The following ACYP2 variants were observed in gnomAD, a reference collection of about 807,000 sequenced individuals.
ACYP2 encodes acylphosphatase 2, also known as acylphosphatase-2.
ACYP2 carries 12 observed loss-of-function variants against 11.2 expected under a neutral mutation model. The ratio of observed to expected loss-of-function variants is 1.08; its 90% CI spans 0.69 to 1.74. ACYP2 has a LOEUF of 1.74. ACYP2 is among the 40% of genes most tolerant of loss of function. The pLI is 0.00. For missense variants in ACYP2, 134 were observed against 101.9 expected, an observed-to-expected ratio of 1.31 and a Z score of -1.35; for synonymous variants, 43 against 32.2, an observed-to-expected ratio of 1.33 and a Z score of -1.13.
intron 6 of ACYP2, among the ~76,000 whole-genome samples, chr2:54,301,547 G>C (rs550052172): frequency 6.6e-6 from 1 of 152,180 alleles, no homozygotes; most frequent in East Asian, 1.9e-4. Context: ...TATCTAGAAT[G>C]ACTTGCGTAA....
intron 4 of ACYP2, among the ~76,000 whole-genome samples, chr2:54,078,394 C>CAT (rs1199045681): frequency 5.8e-4 from 75 of 129,348 alleles, no homozygotes; most frequent in African/African-American, 1.6e-3. Context: ...ATATGCAAAT[C>CAT]ATATATATAT....
At chr2:54,262,259 G>C (rs1219053849) in intron 6 of ACYP2, among the ~76,000 whole-genome samples, 1 of 152,154 alleles carries the variant, frequency 6.6e-6, no homozygotes, top group African/African-American at 2.4e-5. Flanking sequence ...GCAAAATGAT[G>C]CAACTGCTGT....
At chr2:54,234,581 C>A (rs1686390543) in intron 6 of ACYP2, among the ~76,000 whole-genome samples, 1 of 152,230 alleles carries the variant, frequency 6.6e-6, no homozygotes, top group South Asian at 2.1e-4. Context: ...TTTAATTTTT[C>A]AGTCAGAATT....
At chr2:54,096,281 C>T (rs1437123127) in intron 4 of ACYP2, among the ~76,000 whole-genome samples, 11 of 139,212 alleles carry the variant, frequency 7.9e-5, no homozygotes, top group East Asian at 2.3e-4. Context: ...GATGGGTGGC[C>T]GGGCAGAGAC....
At chr2:54,174,973 TA>T (rs1351055801) in intron 6 of ACYP2, among the ~76,000 whole-genome samples, 2 of 152,226 alleles carry the variant, frequency 1.3e-5, no homozygotes, top group African/African-American at 2.4e-5. Context: ...TCATCAAGGA[TA>T]TTGGTCTAAA....
At chr2:54,273,203 G>A (rs1469255828) in intron 6 of ACYP2, among the ~76,000 whole-genome samples, 2 of 152,190 alleles carry the variant, frequency 1.3e-5, no homozygotes, top group African/African-American at 4.8e-5. Context: ...AAACTATGGT[G>A]CACATGCATT....
At chr2:53,975,387 T>G (rs113594436) in intron 2 of ACYP2, 4 of 397,336 alleles carry the variant, frequency 1.0e-5, no homozygotes, top group African/African-American at 6.2e-5. Context: ...TTGAAATGCT[T>G]CCCAGTGAGA....
At position 54,043,242 on chromosome 2, in the gene ACYP2, C is replaced by G. The variant is rs545423548; in HGVS notation, c.63-7716C>G. Among the ~76,000 whole-genome samples, 32 of 152,246 alleles carry G rather than the reference C, an allele frequency of 2.1e-4. No homozygotes were observed. The South Asian group carries it at 6.4e-3, about 31-fold the overall frequency. On this transcript the variant is annotated intron_variant, in intron 2 of 6. Transcript: ENST00000607452. Reference sequence around the variant, plus strand: ...AGTATAATATATCTTATTCTATTACCTGAATATCTTAACCAAGGGACAATC... The same window carrying G: ...AGTATAATATATCTTATTCTATTACGTGAATATCTTAACCAAGGGACAATC...
chr2:54,188,373 C>A (rs985242132), intron 6 of ACYP2, among the ~76,000 whole-genome samples: 1 of 152,000 alleles, frequency 6.6e-6, no homozygotes, highest in Admixed American at 6.6e-5. Flanking sequence ...TATCTCAGTT[C>A]GTATAACTTG....
chr2:54,080,414 T>C (rs1677582451), intron 4 of ACYP2: 1 of 152,238 alleles, frequency 6.6e-6, no homozygotes, highest in Non-Finnish European at 1.5e-5. Flanking sequence ...GCTTTTGTAT[T>C]AGCATTACAG....
chr2:54,188,616 T>TG (rs1558598449), intron 6 of ACYP2, among the ~76,000 whole-genome samples: 1 of 152,206 alleles, frequency 6.6e-6, no homozygotes, highest in Non-Finnish European at 1.5e-5. Context: ...ACTTTTCGTA[T>TG]TATAAGATGA....
rs111276563 is a variant in ACYP2, at chr2:54,100,771, T to C, written c.278-34682T>C. 4.5e-3 allele frequency among the ~76,000 whole-genome samples: 685 copies of C among 152,352 alleles called. 10 individuals carry two copies. The highest frequency in any genetic ancestry group is 0.016 in the African/African-American group (669 of 41,584). ...CGATTCACAGGGAACTATTTTCTAT[T>C]TTTTGAATAATGGTAGAGGAAAGTA... On this transcript the variant is annotated intron_variant, in intron 4 of 6. Transcript: ENST00000607452.
intron 6 of ACYP2, among the ~76,000 whole-genome samples, chr2:54,181,773 T>G (rs942584688): frequency 1.3e-5 from 2 of 152,182 alleles, no homozygotes; most frequent in Non-Finnish European, 2.9e-5. Flanking sequence ...TTATTGTTCT[T>G]ATTTGGCTGA....
chr2:54,014,757 T>C (rs1214457628), intron 2 of ACYP2, among the ~76,000 whole-genome samples: 1 of 152,106 alleles, frequency 6.6e-6, no homozygotes, highest in Admixed American at 6.5e-5. Flanking sequence ...TTGTTTCTTT[T>C]TATTTATTTA....
intron 4 of ACYP2, among the ~76,000 whole-genome samples, chr2:54,095,703 CAGA>C: frequency 7.6e-6 from 1 of 130,934 alleles, no homozygotes; most frequent in African/African-American, 3.0e-5. Context: ...GCTGGCCGGG[CAGA>C]GGGGCTCCTC....
At chr2:54,291,112 G>C (rs568116066) in intron 6 of ACYP2, among the ~76,000 whole-genome samples, 1 of 152,326 alleles carries the variant, frequency 6.6e-6, no homozygotes, top group Admixed American at 6.5e-5. Context: ...TGAGCTTGCT[G>C]AGGTCCCCAA....
chr2:54,057,518 T>G (rs1312960275), intron 4 of ACYP2, among the ~76,000 whole-genome samples: 1 of 152,136 alleles, frequency 6.6e-6, no homozygotes, highest in African/African-American at 2.4e-5. Context: ...GAATATTGAG[T>G]CTATGTTTGA....
At chr2:54,108,132 A>T (rs910917160) in intron 4 of ACYP2, among the ~76,000 whole-genome samples, 2 of 152,188 alleles carry the variant, frequency 1.3e-5, no homozygotes, top group African/African-American at 2.4e-5. Context: ...CTCCTCCGCG[A>T]CTGTGCTTAT....
chr2:54,016,974 C>A (rs1673723003), intron 2 of ACYP2, among the ~76,000 whole-genome samples: 1 of 152,122 alleles, frequency 6.6e-6, no homozygotes, highest in East Asian at 1.9e-4. Flanking sequence ...ATCCACCCAT[C>A]TCGGCCTCCC....
Sources: gnomAD v4.1 joint callset for allele counts (sites outside exome capture counted in the v4.1 genomes callset) on GRCh38, gnomAD v4.1.1 for gene constraint, MANE v1.5 for transcripts, NCBI Gene and HGNC (gene_info 2026-07-23, HGNC 2026-07-21) for gene names.